Variants in PFKFB1 observed in about 807,000 individuals in gnomAD.
The protein encoded by PFKFB1 is 6-phosphofructo-2-kinase/fructose-2,6-biphosphatase 1, also known as 6-phosphofructo-2-kinase/fructose-2,6-bisphosphatase 1.
Under a neutral mutation model 46.4 loss-of-function variants are expected in PFKFB1, and 34 were observed. That is an observed-to-expected ratio of 0.73 (90% CI 0.56 to 0.98). The LOEUF (loss-of-function observed/expected upper bound fraction) is 0.98. PFKFB1 is among the 50% of genes least tolerant of loss of function. The pLI, the probability that PFKFB1 is intolerant of heterozygous loss-of-function variation, is 0.00. For synonymous variants in PFKFB1, 119 were observed against 133.8 expected, an observed-to-expected ratio of 0.89 and a Z score of 0.76; for missense variants, 393 against 376.3, an observed-to-expected ratio of 1.04 and a Z score of -0.37.
chrX:54,978,262 C>A (rs1934887004), intron 1 of PFKFB1, among the ~76,000 whole-genome samples: 1 of 110,667 alleles, frequency 9.0e-6, no homozygotes, highest in Non-Finnish European at 1.9e-5. Context: ...GTATTATAAC[C>A]CAAATAATTA....
At chrX:54,943,659 G>A (rs1220118543) in intron 10 of PFKFB1, among the ~76,000 whole-genome samples, 1 of 111,235 alleles carries the variant, frequency 9.0e-6, no homozygotes, top group Admixed American at 9.5e-5. Context: ...GCTGAGGCAG[G>A]AGAATGGTGT....
intron 9 of PFKFB1, among the ~76,000 whole-genome samples, 178 bp from the exon 10 acceptor site, chrX:54,945,721 CGTGTGT>C (rs779266579): frequency 2.7e-4 from 24 of 88,731 alleles, no homozygotes; most frequent in Middle Eastern, 5.7e-3. Flanking sequence ...TGTGTGTGTG[CGTGTGT>C]GTGTGTGTGT....
At chrX:54,947,949 G>T (rs1933853416) in intron 9 of PFKFB1, among the ~76,000 whole-genome samples, 1 of 107,263 alleles carries the variant, frequency 9.3e-6, no homozygotes, top group African/African-American at 3.4e-5. Flanking sequence ...TTTGAGACAG[G>T]GCCTTGATTG....
At chrX:54,970,124 G>A (rs1934605041) in intron 1 of PFKFB1, among the ~76,000 whole-genome samples, 1 of 110,440 alleles carries the variant, frequency 9.1e-6, no homozygotes, top group Non-Finnish European at 1.9e-5. Context: ...GGCCAGGCTG[G>A]TCTCGAACTC....
At chrX:54,974,287 G>A (rs977413676) in intron 1 of PFKFB1, among the ~76,000 whole-genome samples, 10 of 112,035 alleles carry the variant, frequency 8.9e-5, no homozygotes, top group Non-Finnish European at 1.9e-4. Context: ...TCGGAACCCA[G>A]AAATAAAGCC....
intron 1 of PFKFB1, among the ~76,000 whole-genome samples, chrX:54,969,346 A>C (rs928100235): frequency 3.6e-5 from 4 of 111,795 alleles, no homozygotes; most frequent in Non-Finnish European, 5.6e-5. Context: ...TCGCATGCAC[A>C]GGCACGCACA....
intron 9 of PFKFB1, among the ~76,000 whole-genome samples, chrX:54,946,882 G>A (rs1322214869): frequency 8.9e-6 from 1 of 112,102 alleles, no homozygotes; most frequent in Non-Finnish European, 1.9e-5. Flanking sequence ...TTAGAATGAA[G>A]TATTAATATT....
At chrX:54,985,063 C>G (rs761683917) in intron 1 of PFKFB1, among the ~76,000 whole-genome samples, 1 of 110,506 alleles carries the variant, frequency 9.0e-6, no homozygotes, top group African/African-American at 3.3e-5. Context: ...ACTCTCCCCC[C>G]AAAACTAACT....
chrX:54,994,446 G>A, upstream of PFKFB1: 2 of 753,973 alleles, frequency 2.7e-6, no homozygotes, highest in Middle Eastern at 7.6e-4. Flanking sequence ...GGGGTATAGA[G>A]GCAAAGGTGA....
intron 1 of PFKFB1, among the ~76,000 whole-genome samples, chrX:54,987,114 C>T (rs954458149): frequency 1.8e-5 from 2 of 110,789 alleles, no homozygotes; most frequent in Non-Finnish European, 3.8e-5. Context: ...GGAGACATTA[C>T]TACTGACTTT....
At chrX:54,961,456 T>C in intron 2 of PFKFB1, among the ~76,000 whole-genome samples, 1 of 111,612 alleles carries the variant, frequency 9.0e-6, no homozygotes, top group African/African-American at 3.3e-5. Flanking sequence ...GGCCATACTT[T>C]CCCACTTGCA....
chrX:54,949,638 A>G (rs1933908668), intron 8 of PFKFB1, among the ~76,000 whole-genome samples: 1 of 112,085 alleles, frequency 8.9e-6, no homozygotes, highest in Admixed American at 9.4e-5. Context: ...ATGCTTGTGG[A>G]TAACCAAGTC....
chrX:54,997,703 G>T (rs770398214), upstream of PFKFB1, among the ~76,000 whole-genome samples: 2 of 111,370 alleles, frequency 1.8e-5, no homozygotes, highest in African/African-American at 3.3e-5. Context: ...TGTGACAGCA[G>T]CCTAGGATCC....
At chrX:54,963,492 C>G (rs1347235590) in intron 1 of PFKFB1, 110 bp from the exon 2 acceptor site, 2 of 813,884 alleles carry the variant, frequency 2.5e-6, no homozygotes, top group Middle Eastern at 3.5e-4. Flanking sequence ...ATTACAGTAA[C>G]GAAAAAACCG....
intron 1 of PFKFB1, among the ~76,000 whole-genome samples, chrX:54,969,128 C>T (rs1451848487): frequency 9.0e-6 from 1 of 111,561 alleles, no homozygotes; most frequent in Non-Finnish European, 1.9e-5. Flanking sequence ...GGTTTGAATA[C>T]ATCCTCCAAA....
chrX:54,969,186 G>A (rs1389854586), intron 1 of PFKFB1, among the ~76,000 whole-genome samples: 1 of 111,023 alleles, frequency 9.0e-6, no homozygotes, highest in Non-Finnish European at 1.9e-5. Flanking sequence ...TTGAGAGGTG[G>A]GACCTTTAAG....
At chrX:54,973,519 C>T (rs944179226) in intron 1 of PFKFB1, among the ~76,000 whole-genome samples, 10 of 110,575 alleles carry the variant, frequency 9.0e-5, no homozygotes, top group African/African-American at 2.6e-4. Flanking sequence ...TGAATGCGTC[C>T]CAGAGATTCT....
At chrX:54,943,778 A>T (rs997242184) in intron 10 of PFKFB1, among the ~76,000 whole-genome samples, 1 of 110,541 alleles carries the variant, frequency 9.0e-6, no homozygotes, top group Non-Finnish European at 1.9e-5. Flanking sequence ...ATAAATAAAT[A>T]AAATAAAAAA....
intron 10 of PFKFB1, among the ~76,000 whole-genome samples, chrX:54,938,842 G>T (rs1420706956): frequency 9.0e-6 from 1 of 111,332 alleles, no homozygotes; most frequent in Non-Finnish European, 1.9e-5. Context: ...GAGACAGAAA[G>T]TTAACAAGGA....
Sources: gnomAD v4.1 joint callset for allele counts (sites outside exome capture counted in the v4.1 genomes callset) on GRCh38, gnomAD v4.1.1 for gene constraint, MANE v1.5 for transcripts, NCBI Gene and HGNC (gene_info 2026-07-23, HGNC 2026-07-21) for gene names.